GALNT2: variants seen among roughly 807,000 people sequenced by gnomAD.
GALNT2 encodes the protein UDP-GalNAc:polypeptide N-acetylgalactosaminyltransferase 2.
GALNT2 carries 31 observed loss-of-function variants against 81.4 expected under a neutral mutation model. The ratio of observed to expected loss-of-function variants is 0.38; its 90% CI spans 0.29 to 0.51. The LOEUF is 0.51. GALNT2 is among the 20% of genes least tolerant of loss of function. The pLI, the probability that GALNT2 is intolerant of heterozygous loss-of-function variation, is 0.87. For missense variants in GALNT2, 629 were observed against 765.7 expected (o/e 0.82, Z 2.11); for synonymous variants, 303 against 287.4 (o/e 1.05, Z -0.55).
intron 3 of GALNT2, among the ~76,000 whole-genome samples, chr1:230,222,755 C>G (rs1664588808): frequency 6.6e-6 from 1 of 152,104 alleles, no homozygotes; most frequent in African/African-American, 2.4e-5. Flanking sequence ...GTTCCAGGTG[C>G]TATGCTAAGC....
At chr1:230,092,524 A>G (rs1376742223) in intron 1 of GALNT2, among the ~76,000 whole-genome samples, 2 of 151,832 alleles carry the variant, frequency 1.3e-5, no homozygotes, top group East Asian at 3.9e-4. Context: ...TTGTATTTTT[A>G]GTAGAGATGG....
chr1:230,252,316 G>A (rs935109117), intron 10 of GALNT2, among the ~76,000 whole-genome samples: 4 of 152,272 alleles, frequency 2.6e-5, no homozygotes, highest in East Asian at 1.9e-4. Context: ...CGTGTGCCCC[G>A]CTGGAATGAC....
At chr1:230,238,216 G>A (rs1665092038) in intron 6 of GALNT2, among the ~76,000 whole-genome samples, 1 of 152,190 alleles carries the variant, frequency 6.6e-6, no homozygotes, top group Admixed American at 6.5e-5. Context: ...TGCTTGTAGT[G>A]ATGCTACTAG....
chr1:230,075,964 T>C (rs974217020), intron 1 of GALNT2, among the ~76,000 whole-genome samples: 1 of 152,198 alleles, frequency 6.6e-6, no homozygotes, highest in Non-Finnish European at 1.5e-5. Flanking sequence ...CCTTGGTTTC[T>C]TTTGCTAAAC....
chr1:230,109,378 G>T (rs1314682632), intron 1 of GALNT2, among the ~76,000 whole-genome samples: 5 of 152,202 alleles, frequency 3.3e-5, no homozygotes. Flanking sequence ...ACTCATGTGG[G>T]ACGTCAGGAC....
intron 6 of GALNT2, among the ~76,000 whole-genome samples, chr1:230,242,369 G>C (rs547718014): frequency 1.3e-5 from 2 of 152,168 alleles, no homozygotes; most frequent in South Asian, 4.1e-4. Context: ...AGCCACATAG[G>C]AATCACTGAA....
chr1:230,163,740 C>G (rs1282472730), intron 1 of GALNT2, among the ~76,000 whole-genome samples: 4 of 152,200 alleles, frequency 2.6e-5, no homozygotes, highest in African/African-American at 9.6e-5. Context: ...AAAAGTAGAT[C>G]TTGGTAAAAT....
chr1:230,234,199 C>T (rs1019303751), intron 3 of GALNT2, among the ~76,000 whole-genome samples: 1 of 152,054 alleles, frequency 6.6e-6, no homozygotes, highest in African/African-American at 2.4e-5. Flanking sequence ...GACAATTGCA[C>T]ATCTTCTGGA....
intron 1 of GALNT2, among the ~76,000 whole-genome samples, chr1:230,096,664 G>A (rs970194390): frequency 3.9e-5 from 6 of 152,122 alleles, no homozygotes; most frequent in African/African-American, 1.4e-4. Context: ...CAGCCTGGGG[G>A]CAGCAGGTTG....
At chr1:230,235,909 G>A (rs183508091) in intron 3 of GALNT2, 105 bp from the exon 4 acceptor site, 28 of 911,412 alleles carry the variant, frequency 3.1e-5, no homozygotes, top group Admixed American at 8.3e-5. Context: ...GTTAATCATA[G>A]CATGTCCATC....
intron 1 of GALNT2, among the ~76,000 whole-genome samples, chr1:230,163,021 C>T (rs1057327090): frequency 1.3e-5 from 2 of 152,216 alleles, no homozygotes; most frequent in East Asian, 1.9e-4. Context: ...CTGACTTTTT[C>T]GAGTTGAGTT....
chr1:230,079,138 T>TG (rs1659653701), intron 1 of GALNT2, among the ~76,000 whole-genome samples: 2 of 152,262 alleles, frequency 1.3e-5, no homozygotes, highest in African/African-American at 4.8e-5. Flanking sequence ...AGACCGTTAA[T>TG]AAATATGTGT....
intron 15 of GALNT2, among the ~76,000 whole-genome samples, chr1:230,277,045 G>A (rs1200196204): frequency 6.6e-6 from 1 of 152,196 alleles, no homozygotes; most frequent in Admixed American, 6.5e-5. Context: ...GAATTGACAG[G>A]TGTTTCTGCT....
chr1:230,271,791 C>G lies in GALNT2; in HGVS notation c.1441-2654C>G, dbSNP rs1666167616. ...TCCAGGTGTGCCGCTCTCCCAGCGC[C>G]TCCGCATGTCCGGCAGCCACATCCC... On this transcript the variant is annotated intron_variant, in intron 14 of 15. Transcript: ENST00000366672. This position sits in a 1 kb window ranked among gnomAD's most constrained non-coding sequence, Gnocchi z 4.2. Among the ~76,000 whole-genome samples the G allele has an allele frequency of 6.6e-6, 1 of 152,244 alleles. No homozygotes were observed. Among genetic ancestry groups the G allele is most frequent in the Non-Finnish European group, 1.5e-5 (1 of 68,058 alleles).
chr1:230,145,303 C>T (rs543913827), intron 1 of GALNT2, among the ~76,000 whole-genome samples: 1 of 152,252 alleles, frequency 6.6e-6, no homozygotes. Flanking sequence ...ACTGTCAGCT[C>T]CCCTGACCCC....
At chr1:230,236,237 C>T in intron 4 of GALNT2, 116 bp from the exon 5 acceptor site, 2 of 1,333,766 alleles carry the variant, frequency 1.5e-6, no homozygotes, top group Non-Finnish European at 1.1e-6. Context: ...GCACAGGGTG[C>T]AGTGTGTAGC....
intron 1 of GALNT2, among the ~76,000 whole-genome samples, chr1:230,075,121 C>CCTT (rs1553309833): frequency 1.1e-5 from 1 of 92,552 alleles, no homozygotes; most frequent in Non-Finnish European, 1.9e-5. Flanking sequence ...GTCTGTTTTG[C>CCTT]TTTTTTTTTT....
At chr1:230,177,747 ACT>A (rs1217869872) in intron 1 of GALNT2, among the ~76,000 whole-genome samples, 2 of 151,938 alleles carry the variant, frequency 1.3e-5, no homozygotes, top group African/African-American at 4.8e-5. Context: ...ATCATTTAAC[ACT>A]CTCTGAGGGG....
At chr1:230,197,231 G>A (rs1160898947) in intron 2 of GALNT2, among the ~76,000 whole-genome samples, 3 of 152,138 alleles carry the variant, frequency 2.0e-5, no homozygotes, top group African/African-American at 7.2e-5. Context: ...AAGGATACAA[G>A]TGTAGACGTA....
Sources: allele counts gnomAD v4.1 joint callset (sites outside exome capture counted in the v4.1 genomes callset), GRCh38; gene constraint gnomAD v4.1.1; non-coding constraint Gnocchi (gnomAD v3.1); transcripts MANE v1.5; gene names NCBI Gene and HGNC (gene_info 2026-07-23, HGNC 2026-07-21).